The following TIAM1 variants were observed in gnomAD, a reference collection of about 807,000 sequenced individuals.
TIAM1 encodes the protein TIAM Rac1 associated GEF 1, also known as rho guanine nucleotide exchange factor TIAM1.
In TIAM1, 65 loss-of-function variants were observed where a neutral mutation model predicts 163.5. The observed-to-expected ratio is 0.40, with a 90% confidence interval of 0.33 to 0.49. The LOEUF (loss-of-function observed/expected upper bound fraction) is 0.49. Among genes scored for constraint, TIAM1 ranks in the 20% least tolerant of loss-of-function variants. The pLI is 0.77. For synonymous variants in TIAM1, 833 were observed against 810.1 expected (o/e 1.03, Z -0.48); for missense variants, 1,789 against 2,044.7 (o/e 0.87, Z 2.41).
chr21:31,475,554 A>G (rs980457060), intron 1 of TIAM1, among the ~76,000 whole-genome samples: 4 of 152,204 alleles, frequency 2.6e-5, no homozygotes, highest in African/African-American at 9.7e-5. Context: ...CAAACGCTAC[A>G]TTCTTGCAAC....
chr21:31,345,443 CCATATATATATTTTATATATATT>C (rs1387577804), upstream of TIAM1, among the ~76,000 whole-genome samples: 52 of 150,132 alleles, frequency 3.5e-4, no homozygotes, highest in Middle Eastern at 3.2e-3. Flanking sequence ...GTATATATAT[CCATATATATATTTTATATATATT>C]CATATATATC....
rs750324583 is a variant in TIAM1 at position 31,267,001 on chromosome 21, GA to G, written c.-11-19del. 1.9e-6 allele frequency: 3 copies of G among 1,570,724 alleles called. No individual in the cohort carries two copies. The highest frequency in any genetic ancestry group is 2.6e-6 in the Non-Finnish European group (3 of 1,157,270). On this transcript the variant is annotated intron_variant, in intron 3 of 27. Coordinates refer to ENST00000541036, the MANE Select transcript of TIAM1 (RefSeq NM_001353694.2). ...TTTATGGTCTGCAGCAAAGCGGGGG[GA>G]AAGGGGAGAATTGAGTCACTATTAG...
intron 2 of TIAM1, among the ~76,000 whole-genome samples, chr21:31,298,474 T>C (rs1209796756): frequency 6.6e-6 from 1 of 152,198 alleles, no homozygotes. Context: ...ACAGATTCCA[T>C]CTACTTGTAA....
intron 2 of TIAM1, among the ~76,000 whole-genome samples, chr21:31,392,216 C>T (rs1346135643): frequency 6.6e-6 from 1 of 152,158 alleles, no homozygotes; most frequent in Non-Finnish European, 1.5e-5. Context: ...TACTCCCATT[C>T]TCAGAAGCCA....
At chr21:31,252,521 A>G (rs79660162) in intron 4 of TIAM1, among the ~76,000 whole-genome samples, 2,513 of 152,302 alleles carry the variant, frequency 0.017, 79 homozygotes, top group African/African-American at 0.058. Context: ...TTGAGATTCT[A>G]CCGCTGCCAT....
chr21:31,327,984 T>C (rs1276938680), intron 2 of TIAM1, among the ~76,000 whole-genome samples: 2 of 152,048 alleles, frequency 1.3e-5, no homozygotes, highest in African/African-American at 4.8e-5. Flanking sequence ...TCCTCTGTCT[T>C]CATCTCCTTG....
intron 1 of TIAM1, among the ~76,000 whole-genome samples, chr21:31,484,481 A>T (rs2046210820): frequency 1.3e-5 from 2 of 152,224 alleles, no homozygotes; most frequent in African/African-American, 4.8e-5. Context: ...GGGCAGGGAC[A>T]TTACTTAAAC....
chr21:31,455,340 AG>A (rs1243578093), intron 2 of TIAM1, among the ~76,000 whole-genome samples: 1 of 152,022 alleles, frequency 6.6e-6, no homozygotes, highest in Admixed American at 6.6e-5. Context: ...AAGTACTTAA[AG>A]AATGATAGCA....
chr21:31,530,498 C>T lies in TIAM1; in HGVS notation c.-422+28429G>A, dbSNP rs181978232. 3.5e-3 allele frequency among the ~76,000 whole-genome samples: 533 copies of T among 152,360 alleles called. 2 individuals carry two copies. The highest frequency in any genetic ancestry group is 0.012 in the African/African-American group (507 of 41,592). Reference sequence around the variant, plus strand: ...TTTCAGTCTGGCAAATGGAAACCAGCTCAACGTACTAAAGCATATTTGTGT... The same window carrying T: ...TTTCAGTCTGGCAAATGGAAACCAGTTCAACGTACTAAAGCATATTTGTGT... On this transcript the variant is annotated intron_variant, in intron 1 of 28. Transcript: ENST00000286827.
At chr21:31,159,211 G>C (rs1183038342) in intron 16 of TIAM1, among the ~76,000 whole-genome samples, 2 of 152,074 alleles carry the variant, frequency 1.3e-5, no homozygotes, top group Non-Finnish European at 2.9e-5. Flanking sequence ...TCAGGACTAA[G>C]AATTATCCAA....
chr21:31,149,747 T>C (rs2083292925), intron 19 of TIAM1, among the ~76,000 whole-genome samples: 2 of 152,222 alleles, frequency 1.3e-5, no homozygotes, highest in African/African-American at 4.8e-5. Context: ...AGCTTTTTTG[T>C]TTATCTAACT....
intron 2 of TIAM1, among the ~76,000 whole-genome samples, chr21:31,299,281 G>A (rs540142567): frequency 3.9e-5 from 6 of 152,202 alleles, no homozygotes; most frequent in South Asian, 2.1e-4. Flanking sequence ...TATGCCTTTC[G>A]CAGCCCTCCT....
intron 13 of TIAM1, among the ~76,000 whole-genome samples, chr21:31,190,683 T>G (rs1225369327): frequency 6.6e-6 from 1 of 152,174 alleles, no homozygotes; most frequent in Non-Finnish European, 1.5e-5. Context: ...TCATGCTTAG[T>G]CTAAGTATCA....
chr21:31,544,225 A>T (rs1480511698), intron 1 of TIAM1, among the ~76,000 whole-genome samples: 1 of 151,454 alleles, frequency 6.6e-6, no homozygotes, highest in East Asian at 1.9e-4. Flanking sequence ...ATAATAAATA[A>T]ATAAATAAAA....
intron 1 of TIAM1, among the ~76,000 whole-genome samples, chr21:31,541,738 C>A (rs2123276344): frequency 6.6e-6 from 1 of 152,232 alleles, no homozygotes; most frequent in Middle Eastern, 3.4e-3. Context: ...TAAGAAAAAA[C>A]AGAGAAAACC....
intron 2 of TIAM1, among the ~76,000 whole-genome samples, chr21:31,384,400 A>AC (rs2076831000): frequency 8.8e-6 from 1 of 113,998 alleles, no homozygotes; most frequent in African/African-American, 3.7e-5. Context: ...CCCCATCTCT[A>AC]CAAAAAAAAA....
chr21:31,356,944 C>T (rs2076326002), intron 2 of TIAM1, among the ~76,000 whole-genome samples: 1 of 152,088 alleles, frequency 6.6e-6, no homozygotes, highest in Admixed American at 6.5e-5. Context: ...ACAGCAAGAG[C>T]CCATCTTTAA....
chr21:31,152,737 T>C lies in TIAM1; in HGVS notation c.3265A>G (p.Thr1089Ala), dbSNP rs2083439332. The C allele has an allele frequency of 1.2e-6, 2 of 1,613,950 alleles. No individual in the cohort carries two copies. The highest frequency in any genetic ancestry group is 1.7e-6 in the Non-Finnish European group (2 of 1,180,002). ...DELDVLFGNL[T>A]EMVEFQVEFL... is the part of the protein sequence containing the mutation. ...TCTACTTGAAACTCTACCATTTCCG[T>C]TAAATTTCCAAAAAGCACGTCAAGC... The change falls in exon 19 of 28, where the codon ACG (threonine) becomes GCG (alanine). Residue 1089 changes from threonine (T) to alanine (A), a missense_variant. Thr to Ala is a moderately conservative substitution (Grantham distance 58, BLOSUM62 0). Around this residue, in one of 5 missense-constraint regions of TIAM1, gnomAD observed 303 missense variants for 321.3 expected, o/e 0.94. Coordinates refer to ENST00000541036, the MANE Select transcript of TIAM1 (RefSeq NM_001353694.2).
chr21:31,273,113 G>T (rs1306607029), intron 3 of TIAM1, among the ~76,000 whole-genome samples: 1 of 152,182 alleles, frequency 6.6e-6, no homozygotes, highest in Admixed American at 6.5e-5. Flanking sequence ...ATCAAAACCT[G>T]AGGATGCCAC....
Sources: gnomAD v4.1 joint callset for allele counts (sites outside exome capture counted in the v4.1 genomes callset) on GRCh38, gnomAD v4.1.1 for gene constraint, gnomAD v4.1.1 regional missense constraint, MANE v1.5 for transcripts, NCBI Gene and HGNC (gene_info 2026-07-23, HGNC 2026-07-21) for gene names.